SAMMSON: variants seen among roughly 807,000 people sequenced by gnomAD.
The protein encoded by SAMMSON is long intergenic non-protein coding RNA 1212.
In SAMMSON at chr3:70,316,764, C is replaced by A. The variant is rs543791397; in HGVS notation, n.739+25521C>A. ...GTTACAGCTAACACCACAAGGCATG[C>A]GAATTCAAGGATTTATGAGATCTTA... is the stretch of plus-strand genomic sequence containing the variant. On this transcript the variant is annotated intron_variant and non_coding_transcript_variant, in intron 7 of 9. Coordinates refer to ENST00000642114, the Ensembl canonical transcript of SAMMSON. Among the ~76,000 whole-genome samples the A allele has an allele frequency of 2.0e-5, 3 of 152,010 alleles. No individual in the cohort carries two copies. In the South Asian group the frequency reaches 6.2e-4, roughly 32 times the overall value.
intron 6 of SAMMSON, among the ~76,000 whole-genome samples, chr3:70,290,672 T>A (rs952234293): frequency 1.3e-5 from 2 of 152,254 alleles, no homozygotes; most frequent in African/African-American, 4.8e-5. Context: ...GCTGCCGCCT[T>A]GCAGTTTGAT....
intron 4 of SAMMSON, among the ~76,000 whole-genome samples, chr3:70,238,368 G>A (rs1701633466): frequency 6.6e-6 from 1 of 152,008 alleles, no homozygotes; most frequent in Non-Finnish European, 1.5e-5. Flanking sequence ...AACATTTTGG[G>A]GAGGCTGAGG....
chr3:70,104,576 G>A (rs1271833362), intron 4 of SAMMSON, among the ~76,000 whole-genome samples: 2 of 152,148 alleles, frequency 1.3e-5, no homozygotes, highest in Non-Finnish European at 1.5e-5. Context: ...AAGGGAAAAG[G>A]AGCTGGGTCA....
chr3:70,361,989 T>A (rs1183425567), intron 9 of SAMMSON, among the ~76,000 whole-genome samples: 1 of 152,192 alleles, frequency 6.6e-6, no homozygotes, highest in African/African-American at 2.4e-5. Flanking sequence ...TTAATGTACC[T>A]ATTATGCTTG....
intron 3 of SAMMSON, among the ~76,000 whole-genome samples, chr3:70,038,698 GA>G (rs1250260577): frequency 6.6e-6 from 1 of 152,118 alleles, no homozygotes; most frequent in Non-Finnish European, 1.5e-5. Flanking sequence ...TGAAGTAAAT[GA>G]AATTTCCTTA....
At chr3:70,131,170 T>C (rs1034968800) in intron 4 of SAMMSON, among the ~76,000 whole-genome samples, 2 of 152,222 alleles carry the variant, frequency 1.3e-5, no homozygotes, top group African/African-American at 4.8e-5. Context: ...AGACGAGCTT[T>C]AAGTCTGGTA....
intron 4 of SAMMSON, among the ~76,000 whole-genome samples, chr3:70,160,925 T>C (rs943273920): frequency 6.6e-6 from 1 of 152,124 alleles, no homozygotes; most frequent in Non-Finnish European, 1.5e-5. Context: ...AAATATCTTA[T>C]TCTTTTTGAT....
intron 2 of SAMMSON, among the ~76,000 whole-genome samples, chr3:70,416,194 A>G (rs1701263482): frequency 6.6e-6 from 1 of 152,218 alleles, no homozygotes; most frequent in African/African-American, 2.4e-5. Context: ...TGTTTCCAAC[A>G]TTGATGGAGA....
intron 2 of SAMMSON, among the ~76,000 whole-genome samples, chr3:70,419,391 T>TG (rs1355843634): frequency 8.5e-5 from 13 of 152,200 alleles, no homozygotes; most frequent in African/African-American, 3.1e-4. Context: ...ATGTTATGCA[T>TG]GGGGGGAAGA....
chr3:70,047,748 TC>T (rs2067132252), intron 3 of SAMMSON, among the ~76,000 whole-genome samples: 1 of 152,152 alleles, frequency 6.6e-6, no homozygotes, highest in Admixed American at 6.6e-5. Context: ...AAGTCCAAGA[TC>T]AAGGTGCCTG....
At chr3:70,291,851 A>G (rs1702242488) in intron 7 of SAMMSON, 1 of 152,208 alleles carries the variant, frequency 6.6e-6, no homozygotes, top group African/African-American at 2.4e-5. Context: ...TGGTGATCTT[A>G]TCTTCGGCTT....
At chr3:70,061,511 TG>T (rs2067190402) in intron 3 of SAMMSON, among the ~76,000 whole-genome samples, 1 of 152,146 alleles carries the variant, frequency 6.6e-6, no homozygotes, top group Admixed American at 6.5e-5. Flanking sequence ...CTGGCAATTC[TG>T]GGTTCTCGTT....
intron 6 of SAMMSON, among the ~76,000 whole-genome samples, chr3:70,287,204 T>C (rs1702175383): frequency 7.2e-6 from 1 of 138,496 alleles, no homozygotes; most frequent in Non-Finnish European, 1.6e-5. Context: ...TTGTCATAGA[T>C]AGCTCTTATT....
intron 7 of SAMMSON, among the ~76,000 whole-genome samples, chr3:70,314,521 A>G (rs964841705): frequency 6.6e-6 from 1 of 152,146 alleles, no homozygotes; most frequent in Non-Finnish European, 1.5e-5. Flanking sequence ...GAACAACAAT[A>G]ATCACAGTGA....
At chr3:70,355,585 AAAAATGGAAAG>A (rs1447475634) in intron 8 of SAMMSON, among the ~76,000 whole-genome samples, 4 of 152,182 alleles carry the variant, frequency 2.6e-5, no homozygotes, top group Non-Finnish European at 5.9e-5. Flanking sequence ...AAGTGGAACC[AAAAATGGAAAG>A]AAAGTGAAAA....
intron 3 of SAMMSON, among the ~76,000 whole-genome samples, chr3:70,061,144 G>A (rs2067186900): frequency 6.6e-6 from 1 of 152,204 alleles, no homozygotes; most frequent in African/African-American, 2.4e-5. Flanking sequence ...CAGTGGTGCT[G>A]CCATTCATGA....
At chr3:70,409,339 TTTTC>T (rs1162130657) in intron 2 of SAMMSON, among the ~76,000 whole-genome samples, 6 of 152,302 alleles carry the variant, frequency 3.9e-5, no homozygotes, top group African/African-American at 1.4e-4. Flanking sequence ...GACATTTTAA[TTTTC>T]TTTGAGATTA....
intron 2 of SAMMSON, among the ~76,000 whole-genome samples, chr3:70,403,416 G>A (rs1442183299): frequency 6.6e-6 from 1 of 152,160 alleles, no homozygotes; most frequent in African/African-American, 2.4e-5. Context: ...GTTCATGTTT[G>A]AGAGTCTTAG....
chr3:70,198,384 G>A (rs192249573), intron 4 of SAMMSON, among the ~76,000 whole-genome samples: 19 of 152,116 alleles, frequency 1.2e-4, no homozygotes, highest in Admixed American at 1.0e-3. Flanking sequence ...TCTTATCGCC[G>A]TATTCATTTA....
Sources: gnomAD v4.1 joint callset for allele counts (sites outside exome capture counted in the v4.1 genomes callset) on GRCh38, gnomAD v4.1.1 for gene constraint, MANE v1.5 for transcripts, NCBI Gene and HGNC (gene_info 2026-07-23, HGNC 2026-07-21) for gene names.